Variants in PDCD1LG2 observed in about 807,000 individuals in gnomAD.
The protein encoded by PDCD1LG2 is B7 dendritic cell molecule.
Under a neutral mutation model 28.2 loss-of-function variants are expected in PDCD1LG2, and 32 were observed. The ratio of observed to expected loss-of-function variants is 1.13; its 90% CI spans 0.86 to 1.52. PDCD1LG2 has a LOEUF of 1.52. Among genes scored for constraint, PDCD1LG2 ranks in the 40% most tolerant of loss-of-function variants. The pLI is 0.00. For synonymous variants in PDCD1LG2, 116 were observed against 120.2 expected (o/e 0.97, Z 0.23); for missense variants, 385 against 323.8 (o/e 1.19, Z -1.45).
rs2129791761 is a variant in PDCD1LG2 at position 5,534,742 on chromosome 9, C to T, written c.56-3C>T. 6.3e-7 allele frequency: 1 copy of T among 1,583,782 alleles called. No individual in the cohort carries two copies. Among genetic ancestry groups the T allele is most frequent in the Non-Finnish European group, 8.6e-7 (1 of 1,162,140 alleles). On this transcript the variant is annotated splice_polypyrimidine_tract_variant and splice_region_variant and intron_variant, in intron 2 of 6. Coordinates refer to ENST00000397747, the MANE Select transcript of PDCD1LG2 (RefSeq NM_025239.4). Reference sequence around the variant, plus strand: ...ATGACAAAATATCTTGTTTTCTTTTCAGCTTTATTCACAGTGACAGTCCCT... The same window carrying T: ...ATGACAAAATATCTTGTTTTCTTTTTAGCTTTATTCACAGTGACAGTCCCT...
At chr9:5,531,181 G>A (rs1820476990) in intron 2 of PDCD1LG2, among the ~76,000 whole-genome samples, 1 of 152,192 alleles carries the variant, frequency 6.6e-6, no homozygotes, top group Non-Finnish European at 1.5e-5. Flanking sequence ...AGCCAAGATT[G>A]AGGCCCTCTG....
intron 3 of PDCD1LG2, among the ~76,000 whole-genome samples, chr9:5,538,092 A>G (rs1186428030): frequency 6.6e-6 from 1 of 152,198 alleles, no homozygotes; most frequent in Non-Finnish European, 1.5e-5. Context: ...GAATGAAAAG[A>G]AACAATTTAG....
At chr9:5,535,672 A>G (rs1340716559) in intron 3 of PDCD1LG2, among the ~76,000 whole-genome samples, 1 of 152,046 alleles carries the variant, frequency 6.6e-6, no homozygotes, top group Non-Finnish European at 1.5e-5. Context: ...AAAAGTTACA[A>G]GTTTGGAAAA....
At chr9:5,544,059 T>C (rs1215741493) in intron 3 of PDCD1LG2, among the ~76,000 whole-genome samples, 1 of 152,244 alleles carries the variant, frequency 6.6e-6, no homozygotes, top group Non-Finnish European at 1.5e-5. Context: ...ATTATGACTA[T>C]AAAACAGATA....
intron 1 of PDCD1LG2, among the ~76,000 whole-genome samples, chr9:5,516,531 A>G (rs1199421605): frequency 3.3e-5 from 5 of 152,228 alleles, no homozygotes; most frequent in Non-Finnish European, 5.9e-5. Context: ...GGGTTTCACC[A>G]GGGACCTAAC....
At position 5,566,020 on chromosome 9, in the gene PDCD1LG2, A is replaced by T. The variant is rs534407303; in HGVS notation, c.816+2809A>T. On this transcript the variant is annotated intron_variant, in intron 6 of 6. Transcript: ENST00000397747. ...AATATTGCTCAGGCCCAGACAGCTC[A>T]GGGCTTTGACATTCCCACACCCATT... 9.8e-5 allele frequency among the ~76,000 whole-genome samples: 15 copies of T among 152,290 alleles called. 1 individual carries two copies. The highest frequency in any genetic ancestry group is 3.6e-4 in the African/African-American group (15 of 41,548).
At chr9:5,526,662 G>A (rs927617533) in intron 2 of PDCD1LG2, among the ~76,000 whole-genome samples, 10 of 151,912 alleles carry the variant, frequency 6.6e-5, no homozygotes, top group Admixed American at 1.3e-4. Flanking sequence ...GGCCTCAAAC[G>A]CCTCGTCTCA....
At chr9:5,558,823 T>C (rs1816499022) in intron 5 of PDCD1LG2, among the ~76,000 whole-genome samples, 1 of 149,280 alleles carries the variant, frequency 6.7e-6, no homozygotes, top group Non-Finnish European at 1.5e-5. Context: ...GCCAGGGGAG[T>C]GAGGGAGAAA....
intron 4 of PDCD1LG2, among the ~76,000 whole-genome samples, chr9:5,552,316 A>C (rs1423594601): frequency 6.6e-6 from 1 of 152,202 alleles, no homozygotes; most frequent in Non-Finnish European, 1.5e-5. Flanking sequence ...TAAGAGCTCA[A>C]GGTGGCCAGG....
At chr9:5,520,297 T>C (rs924964439) in intron 1 of PDCD1LG2, among the ~76,000 whole-genome samples, 4 of 152,196 alleles carry the variant, frequency 2.6e-5, no homozygotes, top group Non-Finnish European at 2.9e-5. Flanking sequence ...ATATATATGA[T>C]CAATTGATGT....
intron 2 of PDCD1LG2, 142 bp downstream of exon 2, chr9:5,522,743 A>G (rs1288567480): frequency 3.3e-6 from 2 of 597,792 alleles, no homozygotes; most frequent in Non-Finnish European, 5.7e-6. Context: ...AAGCACCACA[A>G]AAAAAAAAAG....
intron 3 of PDCD1LG2, among the ~76,000 whole-genome samples, chr9:5,539,383 A>G (rs1221753090): frequency 2.0e-5 from 3 of 152,218 alleles, no homozygotes; most frequent in Non-Finnish European, 1.5e-5. Context: ...GAAGAAGGAC[A>G]TGTTTTTATC....
chr9:5,549,394 C>G lies in PDCD1LG2; in HGVS notation c.421C>G (p.Leu141Val), dbSNP rs2129874592. The change falls in exon 4 of 7, where the codon CTC becomes GTC. Residue 141 changes from leucine to valine, a missense_variant. Transcript: ENST00000397747. Reference protein sequence around the residue: ...LKVPETDEVELTCQATGYPLA... With the variant: ...LKVPETDEVEVTCQATGYPLA... ...GGTTCCAGAAACAGATGAGGTAGAG[C>G]TCACCTGCCAGGCTACAGGTTATCC... 6.2e-7 allele frequency: 1 copy of G among 1,614,158 alleles called. No individual in the cohort carries two copies. The highest frequency in any genetic ancestry group is 8.5e-7 in the Non-Finnish European group (1 of 1,179,998).
intron 3 of PDCD1LG2, among the ~76,000 whole-genome samples, chr9:5,543,220 G>T (rs753072277): frequency 1.8e-4 from 28 of 152,080 alleles, no homozygotes; most frequent in Non-Finnish European, 3.5e-4. Context: ...TTAGGGGAAA[G>T]GATGGTTGGG....
intron 3 of PDCD1LG2, among the ~76,000 whole-genome samples, chr9:5,544,844 A>G (rs866817771): frequency 9.9e-5 from 15 of 152,270 alleles, no homozygotes; most frequent in African/African-American, 2.4e-4. Flanking sequence ...ATTTAGCAAA[A>G]CTGATCTTAT....
chr9:5,515,722 G>C (rs904506017), intron 1 of PDCD1LG2, among the ~76,000 whole-genome samples: 1 of 151,846 alleles, frequency 6.6e-6, no homozygotes, highest in Non-Finnish European at 1.5e-5. Context: ...CAGAGTTCGA[G>C]ACCAGCTTGG....
At chr9:5,564,578 C>T (rs553070685) in intron 6 of PDCD1LG2, among the ~76,000 whole-genome samples, 19 of 152,272 alleles carry the variant, frequency 1.2e-4, no homozygotes, top group East Asian at 7.7e-4. Flanking sequence ...GGAAAGGTCC[C>T]TTAAAGAGGC....
chr9:5,527,179 A>G (rs1487081963), intron 2 of PDCD1LG2, among the ~76,000 whole-genome samples: 1 of 152,246 alleles, frequency 6.6e-6, no homozygotes, highest in African/African-American at 2.4e-5. Context: ...GTTTAAATTT[A>G]TATACCATAA....
At chr9:5,520,427 G>T (rs73386690) in intron 1 of PDCD1LG2, among the ~76,000 whole-genome samples, 3,927 of 152,266 alleles carry the variant, frequency 0.026, 88 homozygotes, top group East Asian at 0.094. Flanking sequence ...CTTATATTTA[G>T]GTTCTTGATC....
Sources: allele counts gnomAD v4.1 joint callset (sites outside exome capture counted in the v4.1 genomes callset), GRCh38; gene constraint gnomAD v4.1.1; transcripts MANE v1.5; gene names NCBI Gene and HGNC (gene_info 2026-07-23, HGNC 2026-07-21).